ZNF654: variants seen among roughly 807,000 people sequenced by gnomAD.
The protein encoded by ZNF654 is zinc finger protein 654.
ZNF654 carries 19 observed loss-of-function variants against 95.3 expected under a neutral mutation model. The ratio of observed to expected loss-of-function variants is 0.20; its 90% CI spans 0.14 to 0.29. The LOEUF (loss-of-function observed/expected upper bound fraction) is 0.29. Ranked by LOEUF, ZNF654 falls within the 10% of genes least tolerant of loss-of-function variation. The probability of loss-of-function intolerance (pLI) is 1.00; values close to 1 mark genes in which losing one functional copy is unlikely to be tolerated. For missense variants in ZNF654, 1,046 were observed against 1,341.0 expected (o/e 0.78, Z 3.44); for synonymous variants, 413 against 457.9 (o/e 0.90, Z 1.25).
At chr3:88,116,557 T>TACACACACAC (rs745598873) in intron 3 of ZNF654, among the ~76,000 whole-genome samples, 6,502 of 25,386 alleles carry the variant, frequency 0.26, 187 homozygotes, top group Non-Finnish European at 0.44. Flanking sequence ...TACATACATA[T>TACACACACAC]ATATACACAC....
intron 6 of ZNF654, among the ~76,000 whole-genome samples, chr3:88,133,015 ATC>A (rs1706557687): frequency 6.6e-6 from 1 of 152,146 alleles, no homozygotes. Context: ...GTTTTTCAAA[ATC>A]TGTTTCTTTT....
intron 2 of ZNF654, among the ~76,000 whole-genome samples, chr3:88,106,594 C>T (rs1301427385): frequency 2.0e-5 from 3 of 152,198 alleles, no homozygotes; most frequent in African/African-American, 7.2e-5. Context: ...CCACCCACCT[C>T]GGCCTCCCAG....
intron 4 of ZNF654, among the ~76,000 whole-genome samples, chr3:88,127,019 C>T (rs1440795629): frequency 6.6e-6 from 1 of 152,040 alleles, no homozygotes; most frequent in Non-Finnish European, 1.5e-5. Context: ...TTAAAATGTT[C>T]CCCATATCAT....
At chr3:88,107,170 T>C (rs1446141382) in intron 2 of ZNF654, among the ~76,000 whole-genome samples, 1 of 152,220 alleles carries the variant, frequency 6.6e-6, no homozygotes, top group Non-Finnish European at 1.5e-5. Flanking sequence ...TCTTAACTTA[T>C]TGAGGTATAC....
intron 3 of ZNF654, among the ~76,000 whole-genome samples, chr3:88,124,615 C>T (rs770317231): frequency 6.6e-6 from 1 of 152,108 alleles, no homozygotes; most frequent in African/African-American, 2.4e-5. Context: ...AATATGTAGC[C>T]TTGATTCATC....
intron 1 of ZNF654, 99 bp downstream of exon 1, chr3:88,059,604 C>T: frequency 2.8e-6 from 4 of 1,403,932 alleles, no homozygotes; most frequent in Middle Eastern, 1.9e-4. Flanking sequence ...TGTCCAGTGC[C>T]CGCTCCTCCC....
chr3:88,066,587 A>AAAAC (rs1553691223), intron 1 of ZNF654, among the ~76,000 whole-genome samples: 5 of 151,394 alleles, frequency 3.3e-5, no homozygotes, highest in Admixed American at 2.0e-4. Flanking sequence ...AACAAAAAAA[A>AAAAC]CAAAAAAACC....
At chr3:88,100,876 G>T (rs1004645045) in intron 2 of ZNF654, among the ~76,000 whole-genome samples, 2 of 152,304 alleles carry the variant, frequency 1.3e-5, no homozygotes, top group African/African-American at 4.8e-5. Flanking sequence ...AAGTTAATGT[G>T]TGCAGCACAC....
At chr3:88,095,654 CTG>C in intron 2 of ZNF654, 1 of 485,462 alleles carries the variant, frequency 2.1e-6, no homozygotes, top group Non-Finnish European at 4.1e-6. Flanking sequence ...TATCATCACT[CTG>C]TTCTCTTTTT....
intron 2 of ZNF654, among the ~76,000 whole-genome samples, chr3:88,093,938 T>TA (rs1419446206): frequency 6.6e-6 from 1 of 152,192 alleles, no homozygotes; most frequent in African/African-American, 2.4e-5. Context: ...CTAGTACTCT[T>TA]ACTCCTGACT....
chr3:88,064,911 C>T (rs1409832572), intron 1 of ZNF654, among the ~76,000 whole-genome samples: 1 of 152,184 alleles, frequency 6.6e-6, no homozygotes, highest in African/African-American at 2.4e-5. Context: ...GGATAATTTG[C>T]AGTCACTTAT....
intron 2 of ZNF654, among the ~76,000 whole-genome samples, chr3:88,110,401 A>G (rs1705016733): frequency 6.6e-6 from 1 of 152,232 alleles, no homozygotes; most frequent in Non-Finnish European, 1.5e-5. Flanking sequence ...ATGTAAATAA[A>G]TGCATATGAC....
intron 2 of ZNF654, among the ~76,000 whole-genome samples, chr3:88,112,894 A>G (rs1286330638): frequency 3.9e-5 from 6 of 152,196 alleles, no homozygotes; most frequent in Middle Eastern, 3.4e-3. Flanking sequence ...GTTTCATTCT[A>G]TAGTTCTAAA....
intron 1 of ZNF654, among the ~76,000 whole-genome samples, chr3:88,074,754 A>G (rs1707707773): frequency 6.6e-6 from 1 of 152,178 alleles, no homozygotes; most frequent in Non-Finnish European, 1.5e-5. Flanking sequence ...CAACTATACT[A>G]TGTACTAAAT....
intron 1 of ZNF654, among the ~76,000 whole-genome samples, chr3:88,061,828 G>T (rs1390117753): frequency 1.3e-5 from 2 of 152,244 alleles, no homozygotes; most frequent in South Asian, 4.1e-4. Flanking sequence ...TGACTTAATC[G>T]TGAGTAATGC....
chr3:88,098,446 A>G (rs1704196342), intron 2 of ZNF654, among the ~76,000 whole-genome samples: 1 of 152,208 alleles, frequency 6.6e-6, no homozygotes, highest in Non-Finnish European at 1.5e-5. Flanking sequence ...ATTCCAATCA[A>G]TAGAAAAAGA....
At chr3:88,141,556 G>T in intron 8 of ZNF654, 89 bp from the exon 9 acceptor site, 1 of 954,454 alleles carries the variant, frequency 1.0e-6, no homozygotes, top group South Asian at 2.5e-5. Flanking sequence ...CCTTTAAAAT[G>T]ACAGGGTATA....
At chr3:88,116,561 T>TAC (rs61470020) in intron 3 of ZNF654, among the ~76,000 whole-genome samples, 7 of 150,918 alleles carry the variant, frequency 4.6e-5, no homozygotes, top group African/African-American at 1.5e-4. Context: ...TACATATATA[T>TAC]ACACACACAC....
intron 2 of ZNF654, among the ~76,000 whole-genome samples, chr3:88,102,944 A>G (rs1334622644): frequency 6.6e-6 from 1 of 150,896 alleles, no homozygotes; most frequent in Non-Finnish European, 1.5e-5. Flanking sequence ...CCCAGGTGGT[A>G]AGCATACTAA....
Sources: allele counts gnomAD v4.1 joint callset (sites outside exome capture counted in the v4.1 genomes callset), GRCh38; gene constraint gnomAD v4.1.1; transcripts MANE v1.5; gene names NCBI Gene and HGNC (gene_info 2026-07-23, HGNC 2026-07-21).